Variants in FAM135A observed in about 807,000 individuals in gnomAD.
FAM135A encodes family with sequence similarity 135 member A, also known as protein FAM135A.
FAM135A carries 79 observed loss-of-function variants against 146.8 expected under a neutral mutation model. The observed-to-expected ratio is 0.54, with a 90% CI of 0.45 to 0.65. FAM135A has a LOEUF of 0.65. Ranked by LOEUF, FAM135A falls within the 30% of genes least tolerant of loss-of-function variation. The pLI, the probability that FAM135A is intolerant of heterozygous loss-of-function variation, is 0.00. For synonymous variants in FAM135A, 562 were observed against 603.6 expected (o/e 0.93, Z 1.01); for missense variants, 1,623 against 1,758.2 (o/e 0.92, Z 1.38).
chr6:70,522,814 C>CT (rs1793906794), intron 13 of FAM135A, among the ~76,000 whole-genome samples: 1 of 152,212 alleles, frequency 6.6e-6, no homozygotes, highest in South Asian at 2.1e-4. Flanking sequence ...TTCCTCCCTC[C>CT]TTTTTTATCA....
chr6:70,509,445 C>T (rs1010876191), intron 12 of FAM135A, among the ~76,000 whole-genome samples: 2 of 152,092 alleles, frequency 1.3e-5, no homozygotes, highest in Non-Finnish European at 2.9e-5. Flanking sequence ...AGTGATTCTT[C>T]CAGGACCACT....
At chr6:70,474,726 A>G (rs1278730951) in intron 5 of FAM135A, among the ~76,000 whole-genome samples, 2 of 152,176 alleles carry the variant, frequency 1.3e-5, no homozygotes, top group African/African-American at 2.4e-5. Flanking sequence ...TGATATGCGG[A>G]GTATTACCAA....
intron 3 of FAM135A, 52 bp from the exon 4 acceptor site, chr6:70,428,252 A>C (rs1770658472): frequency 1.2e-6 from 1 of 802,294 alleles, no homozygotes; most frequent in African/African-American, 1.8e-5. Flanking sequence ...CATTTTTATA[A>C]GTTGGCATTT....
At chr6:70,425,899 C>T (rs574590557) in intron 2 of FAM135A, among the ~76,000 whole-genome samples, 14 of 151,434 alleles carry the variant, frequency 9.2e-5, no homozygotes, top group African/African-American at 2.9e-4. Context: ...GTCAGGAGAT[C>T]GAGACCATCC....
intron 20 of FAM135A, among the ~76,000 whole-genome samples, chr6:70,544,600 G>T (rs989002983): frequency 6.6e-6 from 1 of 151,192 alleles, no homozygotes; most frequent in Non-Finnish European, 1.5e-5. Flanking sequence ...AATTAGCTAG[G>T]CATGGTCATG....
chr6:70,473,566 C>T (rs945132705), intron 5 of FAM135A, among the ~76,000 whole-genome samples: 17 of 152,156 alleles, frequency 1.1e-4, no homozygotes, highest in South Asian at 2.1e-4. Context: ...AACTGGCTCC[C>T]CTTATCCTTT....
intron 5 of FAM135A, among the ~76,000 whole-genome samples, chr6:70,458,172 A>G (rs928532395): frequency 6.6e-6 from 1 of 152,080 alleles, no homozygotes; most frequent in African/African-American, 2.4e-5. Flanking sequence ...TTTTTAGAAG[A>G]TTATATACTT....
At chr6:70,536,836 C>T (rs1398389921) in intron 19 of FAM135A, among the ~76,000 whole-genome samples, 2 of 151,098 alleles carry the variant, frequency 1.3e-5, no homozygotes, top group South Asian at 2.1e-4. Flanking sequence ...ATAATTTTTA[C>T]GAAGGTGATT....
At chr6:70,430,340 A>C (rs1771270739) in intron 4 of FAM135A, among the ~76,000 whole-genome samples, 1 of 151,338 alleles carries the variant, frequency 6.6e-6, no homozygotes, top group Non-Finnish European at 1.5e-5. Context: ...CTATCTAAAA[A>C]AAAAAACAAA....
At chr6:70,528,138 C>G (rs1362804576) in intron 15 of FAM135A, among the ~76,000 whole-genome samples, 154 bp from the exon 16 acceptor site, 1 of 152,188 alleles carries the variant, frequency 6.6e-6, no homozygotes, top group East Asian at 1.9e-4. Context: ...AAATTACTCT[C>G]TGATTTCTAA....
chr6:70,528,175 C>A, intron 15 of FAM135A, 117 bp from the exon 16 acceptor site: 1 of 892,364 alleles, frequency 1.1e-6, no homozygotes, highest in Non-Finnish European at 1.6e-6. Context: ...CACATATTTT[C>A]ATGGTTTTAA....
At chr6:70,435,110 T>TA (rs1491382108) in intron 4 of FAM135A, among the ~76,000 whole-genome samples, 56 of 65,984 alleles carry the variant, frequency 8.5e-4, no homozygotes, top group South Asian at 2.2e-3. Flanking sequence ...TATATATATA[T>TA]TTTTTTTTTT....
intron 10 of FAM135A, among the ~76,000 whole-genome samples, chr6:70,483,531 T>C (rs1784109850): frequency 6.6e-6 from 1 of 152,188 alleles, no homozygotes; most frequent in Non-Finnish European, 1.5e-5. Flanking sequence ...CTACCTCAAA[T>C]GTAAATTTTT....
In FAM135A at chr6:70,498,695, C is replaced by T. The variant is rs191966624; in HGVS notation, c.874-3941C>T. Among the ~76,000 whole-genome samples the T allele has an allele frequency of 4.8e-3, 729 of 152,282 alleles. 5 individuals carry two copies. The highest frequency in any genetic ancestry group is 0.01 in the Middle Eastern group (3 of 294). On this transcript the variant is annotated intron_variant, in intron 11 of 21. Coordinates refer to ENST00000418814, the MANE Select transcript of FAM135A (RefSeq NM_001162529.3). ...ATTGTCTCTTTGTTCTCATTGGTTT[C>T]AAAGAACTTCTTTATTTCTGCCTTA...
intron 4 of FAM135A, among the ~76,000 whole-genome samples, chr6:70,445,206 A>G (rs1775423344): frequency 6.6e-6 from 1 of 152,190 alleles, no homozygotes; most frequent in Non-Finnish European, 1.5e-5. Context: ...AGCCACGCCC[A>G]TTTACTTACT....
chr6:70,486,178 A>G (rs749844146), intron 10 of FAM135A: 5 of 1,613,850 alleles, frequency 3.1e-6, no homozygotes, highest in Non-Finnish European at 4.2e-6. Flanking sequence ...CAAGGCCAAC[A>G]TGCAGCTCCT....
intron 2 of FAM135A, among the ~76,000 whole-genome samples, chr6:70,420,062 A>G (rs1768466210): frequency 6.6e-6 from 1 of 152,128 alleles, no homozygotes; most frequent in Non-Finnish European, 1.5e-5. Context: ...CTTTGAACCA[A>G]TTTGTTTCAT....
At chr6:70,522,690 G>A in intron 13 of FAM135A, 104 bp downstream of exon 13, 1 of 813,570 alleles carries the variant, frequency 1.2e-6, no homozygotes, top group East Asian at 2.7e-5. Context: ...AACAATATAA[G>A]AAATTAGGAG....
At chr6:70,493,247 A>G (rs1786452988) in intron 11 of FAM135A, among the ~76,000 whole-genome samples, 1 of 152,104 alleles carries the variant, frequency 6.6e-6, no homozygotes, top group Non-Finnish European at 1.5e-5. Flanking sequence ...TAAAACTAAA[A>G]AGCTGTTTGT....
Sources: gnomAD v4.1 joint callset for allele counts (sites outside exome capture counted in the v4.1 genomes callset) on GRCh38, gnomAD v4.1.1 for gene constraint, MANE v1.5 for transcripts, NCBI Gene and HGNC (gene_info 2026-07-23, HGNC 2026-07-21) for gene names.